The following SPATA9 variants were observed in gnomAD, a reference collection of about 807,000 sequenced individuals.
SPATA9 encodes spermatogenesis associated 9.
Under a neutral mutation model 25.5 loss-of-function variants are expected in SPATA9, and 27 were observed. The ratio of observed to expected loss-of-function variants is 1.06; its 90% CI spans 0.78 to 1.46. SPATA9 has a LOEUF of 1.46. Among genes scored for constraint, SPATA9 ranks in the 40% most tolerant of loss-of-function variants. The probability of loss-of-function intolerance (pLI) is 0.00; values close to 1 mark genes in which losing one functional copy is unlikely to be tolerated. For missense variants in SPATA9, 282 were observed against 297.5 expected (o/e 0.95, Z 0.38); for synonymous variants, 102 against 105.7 (o/e 0.97, Z 0.21).
At chr5:95,716,870 A>G in the SPATA9 span, 1 of 152,136 alleles carries the variant, frequency 6.6e-6, no homozygotes, top group African/African-American at 2.4e-5. Context: ...GTCTCATGAG[A>G]TCTGATGGTT....
At chr5:95,706,586 A>G in the SPATA9 span, among the ~76,000 whole-genome samples, 3 of 152,136 alleles carry the variant, frequency 2.0e-5, no homozygotes, top group Admixed American at 6.6e-5. Context: ...GTGTGTGAGA[A>G]GAGACTAACA....
the SPATA9 span, chr5:95,731,046 T>A: frequency 1.9e-6 from 2 of 1,038,792 alleles, no homozygotes; most frequent in East Asian, 1.3e-4. Flanking sequence ...TGGCTCTGGT[T>A]ACGGCCTTGC....
chr5:95,680,813 G>A (rs968600042), intron 2 of SPATA9, among the ~76,000 whole-genome samples: 2 of 152,110 alleles, frequency 1.3e-5, no homozygotes, highest in Admixed American at 1.3e-4. Context: ...GACAGGATGT[G>A]GCATGACCCC....
intron 2 of SPATA9, 74 bp downstream of exon 2, chr5:95,682,454 T>C: frequency 1.8e-6 from 2 of 1,089,548 alleles, no homozygotes; most frequent in East Asian, 5.4e-5. Flanking sequence ...AAATCAAGCA[T>C]TAAATAATGG....
chr5:95,708,588 C>T, the SPATA9 span: 2 of 696,218 alleles, frequency 2.9e-6, no homozygotes, highest in East Asian at 2.7e-5. Context: ...CAGGGTGATT[C>T]CCAGGACAGA....
upstream of SPATA9, among the ~76,000 whole-genome samples, chr5:95,686,649 C>T (rs1200912553): frequency 6.6e-6 from 1 of 152,144 alleles, no homozygotes; most frequent in African/African-American, 2.4e-5. Context: ...TGTTGGAGAA[C>T]TGATGGGGCA....
chr5:95,654,287 A>G (rs373510843), downstream of SPATA9: 87 of 1,609,086 alleles, frequency 5.4e-5, 1 homozygote, highest in South Asian at 7.2e-4. Flanking sequence ...AACTATCAAA[A>G]TTTCAGTTTT....
intron 2 of SPATA9, among the ~76,000 whole-genome samples, chr5:95,676,107 C>T (rs1002433647): frequency 6.6e-6 from 1 of 152,122 alleles, no homozygotes; most frequent in African/African-American, 2.4e-5. Flanking sequence ...CAGGTGTGAG[C>T]CACCACACCC....
downstream of SPATA9, chr5:95,657,741 A>G (rs534021168): frequency 3.3e-5 from 5 of 152,290 alleles, no homozygotes; most frequent in South Asian, 2.1e-4. Context: ...CAGACAACCA[A>G]CGAACCAGAC....
chr5:95,680,678 C>G (rs1753370526), intron 2 of SPATA9, among the ~76,000 whole-genome samples: 2 of 152,168 alleles, frequency 1.3e-5, no homozygotes, highest in Admixed American at 1.3e-4. Context: ...TAGTTAAAGA[C>G]ATGGTTTAAC....
intron 1 of SPATA9, among the ~76,000 whole-genome samples, chr5:95,695,499 G>A (rs1361907571): frequency 6.6e-6 from 1 of 152,172 alleles, no homozygotes; most frequent in East Asian, 1.9e-4. Flanking sequence ...TTGGGAGGTT[G>A]AGGCAGGAGA....
At chr5:95,692,522 T>C (rs1319463534) in intron 1 of SPATA9, among the ~76,000 whole-genome samples, 1 of 152,064 alleles carries the variant, frequency 6.6e-6, no homozygotes, top group Non-Finnish European at 1.5e-5. Flanking sequence ...ATCTTGTATA[T>C]TTTTTCCTTT....
rs1418078220 is a variant in SPATA9 at position 95,663,978 on chromosome 5, G to A, written c.449C>T (p.Ala150Val). ...AKTALTSIIY[A>V]SYAALIYLAV... ...CAAATAAATTAGTGCTGCATATGAA[G>A]CATATATTATGCTAGTTAAAGCAGT... is the stretch of plus-strand genomic sequence containing the variant. The change falls in exon 4 of 5, where the codon GCT becomes GTT. Residue 150 changes from alanine to valine, a missense_variant. Physicochemically the swap from Ala to Val is moderately conservative, Grantham distance 64. Transcript: ENST00000274432. 1.3e-6 allele frequency: 2 copies of A among 1,589,634 alleles called. No homozygotes were observed. The highest frequency in any genetic ancestry group is 1.7e-6 in the Non-Finnish European group (2 of 1,165,414).
At chr5:95,731,931 C>T in the SPATA9 span, 2 of 1,613,984 alleles carry the variant, frequency 1.2e-6, no homozygotes, top group East Asian at 4.5e-5. Context: ...CGGGGCTTAT[C>T]CGCACTTACC....
At chr5:95,724,290 G>C in the SPATA9 span, among the ~76,000 whole-genome samples, 473 of 152,234 alleles carry the variant, frequency 3.1e-3, 24 homozygotes, top group East Asian at 0.059. Context: ...GGTTTTTGTT[G>C]ATATTTGATG....
chr5:95,686,707 G>T (rs10038086), upstream of SPATA9, among the ~76,000 whole-genome samples: 19,467 of 152,082 alleles, frequency 0.13, 1,329 homozygotes, highest in Middle Eastern at 0.23. Context: ...CTCCTGGGGG[G>T]GTAACTCAGA....
the SPATA9 span, chr5:95,731,294 C>T: frequency 6.4e-5 from 66 of 1,033,746 alleles, no homozygotes; most frequent in African/African-American, 1.7e-4. Context: ...ATCTCCCCGA[C>T]CCCCCTTCTC....
chr5:95,696,089 C>T (rs981228298), intron 1 of SPATA9, among the ~76,000 whole-genome samples: 1 of 152,312 alleles, frequency 6.6e-6, no homozygotes, highest in Non-Finnish European at 1.5e-5. Context: ...AACAGATCCT[C>T]ACCCAGTGAA....
At chr5:95,663,282 T>C (rs1376085752) in intron 4 of SPATA9, among the ~76,000 whole-genome samples, 2 of 152,168 alleles carry the variant, frequency 1.3e-5, no homozygotes, top group Non-Finnish European at 2.9e-5. Context: ...TATATGACTT[T>C]ATTTATATAG....
Sources: allele counts gnomAD v4.1 joint callset (sites outside exome capture counted in the v4.1 genomes callset), GRCh38; gene constraint gnomAD v4.1.1; transcripts MANE v1.5; gene names NCBI Gene and HGNC (gene_info 2026-07-23, HGNC 2026-07-21).